The following TRIM33 variants were observed in gnomAD, a reference collection of about 807,000 sequenced individuals.
The protein encoded by TRIM33 is tripartite motif containing 33, also known as E3 ubiquitin-protein ligase TRIM33.
Under a neutral mutation model 125.4 loss-of-function variants are expected in TRIM33, and 20 were observed. The ratio of observed to expected loss-of-function variants is 0.16; its 90% CI spans 0.11 to 0.23. The LOEUF is 0.23. Among genes scored for constraint, TRIM33 ranks in the 10% least tolerant of loss-of-function variants. The pLI is 1.00. For synonymous variants in TRIM33, 564 were observed against 513.9 expected (o/e 1.10, Z -1.32); for missense variants, 920 against 1,411.4 (o/e 0.65, Z 5.58).
intron 11 of TRIM33, 29 bp downstream of exon 11, chr1:114,421,407 A>G (rs1334895407): frequency 1.3e-6 from 2 of 1,588,406 alleles, no homozygotes; most frequent in Admixed American, 1.7e-5. Flanking sequence ...ATTAAGTTTA[A>G]TGAAGCCTCA....
intron 1 of TRIM33, among the ~76,000 whole-genome samples, chr1:114,501,628 A>C (rs1570680735): frequency 6.6e-6 from 1 of 151,462 alleles, no homozygotes; most frequent in South Asian, 2.1e-4. Flanking sequence ...AAAAGGAACA[A>C]GGGGCCATCT....
intron 1 of TRIM33, among the ~76,000 whole-genome samples, chr1:114,478,073 G>A (rs1651080326): frequency 6.6e-6 from 1 of 152,118 alleles, no homozygotes; most frequent in African/African-American, 2.4e-5. Flanking sequence ...AGCAAACAAC[G>A]AATTCAGACC....
intron 6 of TRIM33, among the ~76,000 whole-genome samples, chr1:114,430,484 T>C (rs553299266): frequency 6.6e-6 from 1 of 152,274 alleles, no homozygotes; most frequent in Admixed American, 6.5e-5. Context: ...TCAAGCGATC[T>C]GTCTGCCTTG....
At chr1:114,421,348 A>T in intron 11 of TRIM33, 88 bp downstream of exon 11, 1 of 1,257,760 alleles carries the variant, frequency 8.0e-7, no homozygotes, top group Admixed American at 2.2e-5. Context: ...GTTGATCCTG[A>T]ATTAAAAAAA....
In TRIM33 at chr1:114,510,725, G is replaced by A; in HGVS notation, c.352C>T (p.Pro118Ser). 3 of 1,534,742 alleles carry A rather than the reference G, an allele frequency of 2.0e-6. No individual in the cohort carries two copies. Among genetic ancestry groups the A allele is most frequent in the Non-Finnish European group, 1.7e-6 (2 of 1,145,674 alleles). Residue 118 changes from proline (P) to serine (S), a missense_variant, in exon 1 of 20, where the codon CCA becomes TCA. Physicochemically the swap from Pro to Ser is moderately conservative, Grantham distance 74 (BLOSUM62 -1). Coordinates refer to ENST00000358465, the MANE Select transcript of TRIM33 (RefSeq NM_015906.4). Reference sequence around the variant, plus strand: ...GCGCAGGTGTCCAGGAGCGAGGCTGGCGGTCCAGGAGGCGGCCCTGCCGAG... The same window carrying A: ...GCGCAGGTGTCCAGGAGCGAGGCTGACGGTCCAGGAGGCGGCCCTGCCGAG... ...GPSAGPPPGP[P>S]ASLLDTCAVC...
At chr1:114,486,557 A>AC (rs1430918240) in intron 1 of TRIM33, among the ~76,000 whole-genome samples, 1 of 150,548 alleles carries the variant, frequency 6.6e-6, no homozygotes, top group African/African-American at 2.4e-5. Context: ...AAAAAAAAAA[A>AC]AAAAAAAAAC....
chr1:114,401,138 G>A (rs1024432306), intron 17 of TRIM33, among the ~76,000 whole-genome samples: 2 of 151,344 alleles, frequency 1.3e-5, no homozygotes, highest in African/African-American at 4.9e-5. Context: ...CCGGGTTCAT[G>A]CCATTCTCCT....
intron 4 of TRIM33, among the ~76,000 whole-genome samples, chr1:114,438,163 A>G (rs1285879289): frequency 1.3e-5 from 2 of 152,188 alleles, no homozygotes; most frequent in African/African-American, 4.8e-5. Flanking sequence ...CCTGTGCCCT[A>G]CTACTCTACT....
At chr1:114,485,830 T>C (rs1289866753) in intron 1 of TRIM33, among the ~76,000 whole-genome samples, 1 of 152,130 alleles carries the variant, frequency 6.6e-6, no homozygotes, top group Non-Finnish European at 1.5e-5. Flanking sequence ...TCCAAAATAT[T>C]TGCAATATAC....
intron 4 of TRIM33, 56 bp downstream of exon 4, chr1:114,463,048 T>G: frequency 7.2e-7 from 1 of 1,387,348 alleles, no homozygotes; most frequent in Non-Finnish European, 9.6e-7. Flanking sequence ...AGAAGAAGAA[T>G]GACTTTACAA....
intron 4 of TRIM33, among the ~76,000 whole-genome samples, chr1:114,453,498 G>C (rs139990388): frequency 2.0e-5 from 3 of 152,210 alleles, no homozygotes; most frequent in Admixed American, 2.0e-4. Context: ...TAAAGTGTAA[G>C]TGGAAGATAA....
chr1:114,400,300 C>T (rs1651795293), intron 17 of TRIM33, among the ~76,000 whole-genome samples: 1 of 152,120 alleles, frequency 6.6e-6, no homozygotes, highest in African/African-American at 2.4e-5. Context: ...CACCTCCATC[C>T]CCTGGCAATT....
intron 1 of TRIM33, among the ~76,000 whole-genome samples, chr1:114,466,965 T>C (rs1397895779): frequency 6.6e-6 from 1 of 152,160 alleles, no homozygotes; most frequent in African/African-American, 2.4e-5. Context: ...CCCTGTAAAG[T>C]AGGTTCTATT....
chr1:114,409,934 G>A (rs1263178720), intron 12 of TRIM33, among the ~76,000 whole-genome samples: 1 of 151,960 alleles, frequency 6.6e-6, no homozygotes. Flanking sequence ...ACCTCCTCAT[G>A]CCCCAAAGAA....
At chr1:114,493,193 A>AT (rs1652175549) in intron 1 of TRIM33, among the ~76,000 whole-genome samples, 1 of 152,116 alleles carries the variant, frequency 6.6e-6, no homozygotes, top group Admixed American at 6.5e-5. Flanking sequence ...CCATATATAC[A>AT]TATCTTCTTT....
intron 1 of TRIM33, chr1:114,468,850 G>T: frequency 3.7e-6 from 1 of 266,790 alleles, no homozygotes; most frequent in Non-Finnish European, 7.5e-6. Flanking sequence ...CTACTGAAGC[G>T]AGTGTGCAAC....
intron 1 of TRIM33, among the ~76,000 whole-genome samples, chr1:114,504,462 G>A (rs144977198): frequency 7.6e-4 from 115 of 152,282 alleles, no homozygotes; most frequent in African/African-American, 2.7e-3. Context: ...TTCACGCAGA[G>A]GTGATGGCAG....
intron 11 of TRIM33, among the ~76,000 whole-genome samples, chr1:114,414,083 G>A (rs981161402): frequency 1.3e-4 from 19 of 146,502 alleles, no homozygotes; most frequent in African/African-American, 3.6e-4. Flanking sequence ...TTTTAAATTC[G>A]TGTTTGCATA....
At chr1:114,486,804 C>T (rs1651727964) in intron 1 of TRIM33, among the ~76,000 whole-genome samples, 1 of 151,968 alleles carries the variant, frequency 6.6e-6, no homozygotes, top group Non-Finnish European at 1.5e-5. Flanking sequence ...ATTACTTGAA[C>T]AGGCCGGGTG....
Sources: allele counts gnomAD v4.1 joint callset (sites outside exome capture counted in the v4.1 genomes callset), GRCh38; gene constraint gnomAD v4.1.1; transcripts MANE v1.5; gene names NCBI Gene and HGNC (gene_info 2026-07-23, HGNC 2026-07-21).